The following DCTN1 variants were observed in gnomAD, a reference collection of about 807,000 sequenced individuals.
The protein encoded by DCTN1 is dynactin subunit 1.
A neutral mutation model predicts 161.2 loss-of-function variants in DCTN1; 61 were observed. The ratio of observed to expected loss-of-function variants is 0.38; its 90% CI spans 0.31 to 0.47. The LOEUF is 0.47. Ranked by LOEUF, DCTN1 falls within the 20% of genes least tolerant of loss-of-function variation. The probability of loss-of-function intolerance (pLI) is 0.99; values close to 1 mark genes in which losing one functional copy is unlikely to be tolerated. For missense variants in DCTN1, 1,404 were observed against 1,623.7 expected (o/e 0.86, Z 2.33); for synonymous variants, 653 against 632.4 (o/e 1.03, Z -0.49).
At chr2:74,371,340 A>T (rs996743672) in intron 8 of DCTN1, 164 bp from the exon 9 acceptor site, 1 of 1,484,520 alleles carries the variant, frequency 6.7e-7, no homozygotes, top group African/African-American at 1.4e-5. Flanking sequence ...AGCACAGTAT[A>T]TATGGGGAAA....
At chr2:74,368,648 G>C in intron 16 of DCTN1, 80 bp downstream of exon 16, 1 of 1,596,938 alleles carries the variant, frequency 6.3e-7, no homozygotes, top group Non-Finnish European at 8.6e-7. Flanking sequence ...AGACTCTGTT[G>C]TCTTCACTCA....
chr2:74,389,743 A>G (rs6740802), intron 1 of DCTN1, among the ~76,000 whole-genome samples: 33,707 of 152,186 alleles, frequency 0.22, 5,644 homozygotes, highest in East Asian at 0.46. Flanking sequence ...ACAAAACAGC[A>G]TAACAGCTGC....
At chr2:74,361,777 T>C (rs1383605940) in intron 31 of DCTN1, 141 bp from the exon 32 acceptor site, 2 of 1,092,148 alleles carry the variant, frequency 1.8e-6, no homozygotes, top group African/African-American at 1.6e-5. Flanking sequence ...TGTGACCACA[T>C]TTTTCAAATA....
chr2:74,365,633 C>G lies in DCTN1; in HGVS notation c.2911G>C (p.Val971Leu). Reference protein sequence around the residue: ...IKGEELSEANVRLSLLEKKLD... With the variant: ...IKGEELSEANLRLSLLEKKLD... ...TTCTTCTCCAGGAGGCTCAGCCGCA[C>G]ATTGGCCTCACTTAGCTCCTCTCCC... Residue 971 changes from valine (V) to leucine (L), a missense_variant, in exon 25 of 32, where the codon GTG (valine) becomes CTG (leucine). By Grantham distance (32) the Val-to-Leu change is conservative (BLOSUM62 1). Coordinates refer to ENST00000628224, the MANE Select transcript of DCTN1 (RefSeq NM_004082.5). 1 of 1,614,158 alleles carries G rather than the reference C, an allele frequency of 6.2e-7. No individual in the cohort carries two copies. Among genetic ancestry groups the G allele is most frequent in the South Asian group, 1.1e-5 (1 of 91,068 alleles).
At position 74,362,081 on chromosome 2, in the gene DCTN1, CAA is replaced by C; in HGVS notation, c.3668_3669del (p.Phe1223CysfsTer18). 6.2e-7 allele frequency: 1 copy of C among 1,613,794 alleles called. No individual in the cohort carries two copies. The highest frequency in any genetic ancestry group is 1.1e-5 in the South Asian group (1 of 91,078). On this transcript the variant is annotated frameshift_variant, in exon 31 of 32. Transcript: ENST00000628224. LOFTEE classifies it high-confidence loss of function. ...QRPGATVPTDFATFPSSAFLR... is the reference protein window; with the variant it reads ...QRPGATVPTDXATFPSSAFLR... ...AGGAAGGCTGATGAAGGGAAGGTGG[CAA>C]AGTCAGTGGGTACTGTGGCTCCAGG...
At chr2:74,368,645 G>GC in intron 16 of DCTN1, 83 bp downstream of exon 16, 1 of 1,592,696 alleles carries the variant, frequency 6.3e-7, no homozygotes, top group Middle Eastern at 1.7e-4. Context: ...CAGAGACTCT[G>GC]TTGTCTTCAC....
intron 1 of DCTN1, chr2:74,386,896 T>G (rs907912642): frequency 2.0e-5 from 3 of 152,208 alleles, no homozygotes; most frequent in African/African-American, 7.2e-5. Flanking sequence ...GCACCCTGTC[T>G]ACTGGATCTT....
rs558528339 is a variant in DCTN1, at chr2:74,369,542, G to A, written c.1393-51C>T. ...CTAAAGAAAGGCAGGGTCGGCCAGC[G>A]GCGGTGGTTCACACCTGTAATCCCA... is the stretch of plus-strand genomic sequence containing the variant. On this transcript the variant is annotated intron_variant, in intron 13 of 31. Coordinates refer to ENST00000628224, the MANE Select transcript of DCTN1 (RefSeq NM_004082.5). The surrounding 1 kb of genome is among the most constrained non-coding windows in gnomAD (Gnocchi z 4.9). The A allele has an allele frequency of 2.2e-4, 344 of 1,589,400 alleles. No homozygotes were observed. Among genetic ancestry groups the A allele is most frequent in the Non-Finnish European group, 2.6e-4 (301 of 1,168,190 alleles).
Position 74,380,028 on chromosome 2 carries a change from T to G in DCTN1, c.10A>C (p.Ser4Arg), listed in dbSNP as rs1279715062. 6.2e-7 allele frequency: 1 copy of G among 1,614,104 alleles called. No homozygotes were observed. The highest frequency in any genetic ancestry group is 1.7e-5 in the Admixed American group (1 of 60,034). The change falls in exon 1 of 32, where the codon AGC becomes CGC. Residue 4 changes from serine (S) to arginine (R), a missense_variant. This residue lies in a region of DCTN1 where 53 missense variants were observed against 54.4 expected (regional missense o/e 0.97). Coordinates refer to ENST00000628224, the MANE Select transcript of DCTN1 (RefSeq NM_004082.5). Reference sequence around the variant, plus strand: ...ACCCGGCTGTACACGTGCCTCTTGCTCTGTGCCATGTTGCTCACCCGGCCT... The same window carrying G: ...ACCCGGCTGTACACGTGCCTCTTGCGCTGTGCCATGTTGCTCACCCGGCCT... MAQSKRHVYSRTPS... is the reference protein window; with the variant it reads MAQRKRHVYSRTPS...
At chr2:74,382,373 G>T (rs567379107), upstream of DCTN1, among the ~76,000 whole-genome samples, 78 of 152,236 alleles carry the variant, frequency 5.1e-4, 1 homozygote, top group Non-Finnish European at 7.8e-4. Flanking sequence ...GCTGAGGCCG[G>T]TGGCTCACTT....
chr2:74,368,084 C>T lies in DCTN1; in HGVS notation c.1902G>A (p.Glu634=). The change falls in exon 17 of 32, where the codon GAG becomes GAA. Residue 634 remains glutamate, a synonymous_variant. Coordinates refer to ENST00000628224, the MANE Select transcript of DCTN1 (RefSeq NM_004082.5). ...KQAQEKFELS[E]NCSERPGLRG... ...GCAGCCCAGGCCGCTCTGAACAGTT[C>T]TCACTTAGTTCAAACTTCTCCTGGG... 3 of 1,607,834 alleles carry T rather than the reference C, an allele frequency of 1.9e-6. No homozygotes were observed. The South Asian group carries it at 3.3e-5, about 18-fold the overall frequency.
At position 74,372,912 on chromosome 2, in the gene DCTN1, G is replaced by T; in HGVS notation, c.453+16C>A. On this transcript the variant is annotated intron_variant, in intron 7 of 31. Coordinates refer to ENST00000628224, the MANE Select transcript of DCTN1 (RefSeq NM_004082.5). ...GTACACTCAGCAGTGGCTCACACAG[G>T]GGCCTGTTTTCTCACCTTGGGTCGC... 2 of 1,613,932 alleles carry T rather than the reference G, an allele frequency of 1.2e-6. No individual in the cohort carries two copies. The highest frequency in any genetic ancestry group is 1.7e-6 in the Non-Finnish European group (2 of 1,179,818).
chr2:74,380,492 C>T (rs1675467807), upstream of DCTN1: 1 of 474,388 alleles, frequency 2.1e-6, no homozygotes, highest in Admixed American at 2.3e-5. Context: ...AGTCTGTACC[C>T]ACTCACCATC....
rs763649245 is a variant in DCTN1, at chr2:74,369,282, C to T, written c.1584+18G>A. ...CCCTGGGGTGATGGTGGGCAGAGAG[C>T]AAACAGTGGGCATGTACCTGTAGAT... On this transcript the variant is annotated intron_variant, in intron 14 of 31. Transcript: ENST00000628224. The surrounding 1 kb of genome is among the most constrained non-coding windows in gnomAD (Gnocchi z 4.9). 5 of 1,614,054 alleles carry T rather than the reference C, an allele frequency of 3.1e-6. No homozygotes were observed. The African/African-American group carries it at 4.0e-5, about 13-fold the overall frequency.
intron 26 of DCTN1, 142 bp downstream of exon 26, chr2:74,364,933 T>C (rs1674288532): frequency 9.4e-7 from 1 of 1,066,532 alleles, no homozygotes; most frequent in African/African-American, 1.6e-5. Context: ...TGGTGAAAAC[T>C]GGCACAGAGT....
chr2:74,377,291 G>A (rs1423310981), intron 4 of DCTN1, 141 bp downstream of exon 4: 1 of 769,386 alleles, frequency 1.3e-6, no homozygotes, highest in East Asian at 2.5e-5. Context: ...TCCCCAGAAA[G>A]CCTCCTTCTT....
In DCTN1 at chr2:74,369,887, C is replaced by A; in HGVS notation, c.1392+78G>T. ...GCTGGGTCCCTCACCGCACACCCTGCTCAAAGGCCAAGGGTCACATGTCAA... is the reference window on the plus strand; with the variant it reads ...GCTGGGTCCCTCACCGCACACCCTGATCAAAGGCCAAGGGTCACATGTCAA... On this transcript the variant is annotated intron_variant, in intron 13 of 31. Transcript: ENST00000628224. The surrounding 1 kb of genome is among the most constrained non-coding windows in gnomAD (Gnocchi z 4.9). 1 of 1,459,028 alleles carries A rather than the reference C, an allele frequency of 6.9e-7. No individual in the cohort carries two copies. Among genetic ancestry groups the A allele is most frequent in the Non-Finnish European group, 9.6e-7 (1 of 1,043,464 alleles). 90.4% of individuals were successfully genotyped at this position (1,459,028 alleles called of 1,614,324 possible).
At chr2:74,373,077 CT>C in intron 6 of DCTN1, 129 bp from the exon 7 acceptor site, 1 of 818,862 alleles carries the variant, frequency 1.2e-6, no homozygotes, top group Non-Finnish European at 2.1e-6. Context: ...GTTAGCCACC[CT>C]CCCCCCCATC....
chr2:74,365,755 C>G (rs1573149519), intron 24 of DCTN1, 98 bp from the exon 25 acceptor site: 2 of 1,611,070 alleles, frequency 1.2e-6, no homozygotes, highest in East Asian at 4.5e-5. Flanking sequence ...TGAGGGCTCA[C>G]CACAGCTCCC....
Sources: allele counts gnomAD v4.1 joint callset (sites outside exome capture counted in the v4.1 genomes callset), GRCh38; gene constraint gnomAD v4.1.1; regional missense constraint gnomAD v4.1.1; non-coding constraint Gnocchi (gnomAD v3.1); transcripts MANE v1.5; gene names NCBI Gene and HGNC (gene_info 2026-07-23, HGNC 2026-07-21).